Variants in GPATCH2L observed in about 807,000 individuals in gnomAD.
GPATCH2L encodes the protein G-patch domain containing 2 like, also known as G patch domain-containing protein 2-like.
Under a neutral mutation model 57.4 loss-of-function variants are expected in GPATCH2L, and 31 were observed. The ratio of observed to expected loss-of-function variants is 0.54; its 90% CI spans 0.41 to 0.73. The LOEUF is 0.73. Ranked by LOEUF, GPATCH2L falls within the 30% of genes least tolerant of loss-of-function variation. The probability of loss-of-function intolerance (pLI) is 0.00; values close to 1 mark genes in which losing one functional copy is unlikely to be tolerated. For missense variants in GPATCH2L, 481 were observed against 599.9 expected, an observed-to-expected ratio of 0.80 and a Z score of 2.07; for synonymous variants, 199 against 210.7, an observed-to-expected ratio of 0.94 and a Z score of 0.48.
chr14:76,215,916 A>T (rs1387183357), downstream of GPATCH2L, among the ~76,000 whole-genome samples: 1 of 151,920 alleles, frequency 6.6e-6, no homozygotes, highest in Non-Finnish European at 1.5e-5. Context: ...GTATAATTAA[A>T]AAAATAAAAT....
At chr14:76,158,905 A>G (rs1409251733) in intron 2 of GPATCH2L, among the ~76,000 whole-genome samples, 1 of 152,154 alleles carries the variant, frequency 6.6e-6, no homozygotes, top group Non-Finnish European at 1.5e-5. Flanking sequence ...AGAAACATCC[A>G]TCTCGTAAAA....
At chr14:76,221,657 A>G (rs556112783) in intron 1 of GPATCH2L, among the ~76,000 whole-genome samples, 2 of 152,354 alleles carry the variant, frequency 1.3e-5, no homozygotes, top group East Asian at 3.9e-4. Flanking sequence ...CTAAAAAGAA[A>G]TGATCTATCC....
At chr14:76,158,411 T>C (rs913738411) in intron 2 of GPATCH2L, among the ~76,000 whole-genome samples, 2 of 152,222 alleles carry the variant, frequency 1.3e-5, no homozygotes, top group Admixed American at 6.5e-5. Context: ...GGGAGAAAGC[T>C]GAGATCTCTG....
At position 76,203,715 on chromosome 14, in the gene GPATCH2L, G is replaced by A. The variant is rs2040344625; in HGVS notation, c.*1864G>A. On this transcript the variant is annotated 3_prime_UTR_variant, in exon 10 of 10. Transcript: ENST00000261530. ...CCCGTAGAAGTATAGAAAATGTAAT[G>A]TCTGTTGAATATAAAATCGTACCAC... 1 of 152,264 alleles carries A rather than the reference G, an allele frequency of 6.6e-6. No homozygotes were observed. The highest frequency in any genetic ancestry group is 1.5e-5 in the Non-Finnish European group (1 of 68,062). The allele number at this position is 152,264 out of a possible 1,614,324, so 9.4% of individuals were successfully genotyped here.
intron 9 of GPATCH2L, chr14:76,196,337 C>T (rs1257831731): frequency 1.5e-5 from 8 of 524,692 alleles, no homozygotes; most frequent in South Asian, 2.6e-5. Context: ...ATTTTGCATA[C>T]AGTACAGTAC....
intron 7 of GPATCH2L, chr14:76,179,055 G>A (rs1444715314): frequency 1.5e-5 from 1 of 68,018 alleles, no homozygotes; most frequent in East Asian, 4.7e-4. Flanking sequence ...TTTGTTGTGG[G>A]TTTTTTTGTT....
chr14:76,173,781 G>C (rs1594940692), intron 5 of GPATCH2L, 156 bp downstream of exon 5: 1 of 566,918 alleles, frequency 1.8e-6, no homozygotes, highest in Non-Finnish European at 3.2e-6. Context: ...ACATTATGTA[G>C]AATGTGAATG....
In GPATCH2L at chr14:76,175,440, C is replaced by G. The variant is rs184989667; in HGVS notation, c.985-1183C>G. 8 of 147,834 alleles carry G rather than the reference C, an allele frequency of 5.4e-5. No individual in the cohort carries two copies. The East Asian group carries it at 1.6e-3, about 30-fold the overall frequency. 9.2% of individuals were successfully genotyped at this position (147,834 alleles called of 1,614,324 possible). A position where few individuals can be genotyped will look rare whatever the true frequency, so the allele number is the denominator to read the frequency against. On this transcript the variant is annotated intron_variant, in intron 5 of 9. Coordinates refer to ENST00000261530, the MANE Select transcript of GPATCH2L (RefSeq NM_017926.4). Reference sequence around the variant, plus strand: ...AATCATAAATAATGAGTTTCATTCACAGCTCCCTGCCAGTGAGCTGCTAAT... The same window carrying G: ...AATCATAAATAATGAGTTTCATTCAGAGCTCCCTGCCAGTGAGCTGCTAAT...
chr14:76,194,604 G>A (rs541550404), intron 8 of GPATCH2L, among the ~76,000 whole-genome samples: 1 of 152,176 alleles, frequency 6.6e-6, no homozygotes, highest in East Asian at 1.9e-4. Context: ...TTCAACAGCT[G>A]CCTTGTTGCC....
In GPATCH2L at chr14:76,184,788, T is replaced by C. The variant is rs190741836; in HGVS notation, c.1193+3939T>C. Among the ~76,000 whole-genome samples, 28 of 152,274 alleles carry C rather than the reference T, an allele frequency of 1.8e-4. 1 individual carries two copies. The East Asian group carries it at 5.0e-3, about 27-fold the overall frequency. On this transcript the variant is annotated intron_variant, in intron 8 of 9. Coordinates refer to ENST00000261530, the MANE Select transcript of GPATCH2L (RefSeq NM_017926.4). ...TCACCTAAGAAGCTTTAAGAAAATA[T>C]ATCCGTGCTGGGCCCCACTTCCAGA... is the stretch of plus-strand genomic sequence containing the variant.
At chr14:76,216,234 T>C (rs770730999), downstream of GPATCH2L, among the ~76,000 whole-genome samples, 2 of 152,172 alleles carry the variant, frequency 1.3e-5, no homozygotes, top group Non-Finnish European at 2.9e-5. Flanking sequence ...GAGGAAAAGC[T>C]GTTCCTGTCT....
At chr14:76,186,065 T>C (rs1216822896) in intron 8 of GPATCH2L, among the ~76,000 whole-genome samples, 1 of 152,184 alleles carries the variant, frequency 6.6e-6, no homozygotes, top group African/African-American at 2.4e-5. Flanking sequence ...ATATTGAGCA[T>C]CCTGGTAACC....
At chr14:76,195,456 G>T (rs1363863227) in intron 8 of GPATCH2L, among the ~76,000 whole-genome samples, 1 of 152,126 alleles carries the variant, frequency 6.6e-6, no homozygotes, top group Non-Finnish European at 1.5e-5. Context: ...TACATGACAG[G>T]AGGTTGAACT....
intron 2 of GPATCH2L, among the ~76,000 whole-genome samples, chr14:76,156,452 T>C (rs1021013781): frequency 6.6e-6 from 1 of 152,230 alleles, no homozygotes; most frequent in African/African-American, 2.4e-5. Context: ...GCTCATAATT[T>C]GACTTTCCTA....
At chr14:76,214,737 G>A (rs891999241), downstream of GPATCH2L, among the ~76,000 whole-genome samples, 10 of 152,222 alleles carry the variant, frequency 6.6e-5, no homozygotes, top group Admixed American at 2.0e-4. Flanking sequence ...ACCTGTTTTC[G>A]GGGGACACAA....
chr14:76,232,785 T>G (rs2040579238), intron 2 of GPATCH2L, among the ~76,000 whole-genome samples: 1 of 152,160 alleles, frequency 6.6e-6, no homozygotes, highest in Admixed American at 6.5e-5. Context: ...AGCACTGATA[T>G]GTAACAATGC....
rs147586517 is a variant in GPATCH2L, at chr14:76,228,624, C to T, written c.66-1184C>T. ...CTGCTTAGGAAGTCTCAGCACAGCC[C>T]GTAGACTGTTTCGTTGCTATAAATT... On this transcript the variant is annotated intron_variant and NMD_transcript_variant, in intron 1 of 3. Coordinates refer to the GPATCH2L transcript ENST00000556372. 5.3e-3 allele frequency among the ~76,000 whole-genome samples: 803 copies of T among 152,224 alleles called. 6 individuals are homozygous for T. The highest frequency in any genetic ancestry group is 0.018 in the African/African-American group (751 of 41,534).
At chr14:76,189,998 A>C (rs1417246472) in intron 8 of GPATCH2L, among the ~76,000 whole-genome samples, 1 of 152,118 alleles carries the variant, frequency 6.6e-6, no homozygotes, top group African/African-American at 2.4e-5. Context: ...TCGCAGACAG[A>C]CTGTTTTCTC....
intron 1 of GPATCH2L, among the ~76,000 whole-genome samples, chr14:76,226,824 T>C (rs1352789746): frequency 1.3e-5 from 2 of 152,144 alleles, no homozygotes; most frequent in African/African-American, 4.8e-5. Flanking sequence ...AGGTGTTCTG[T>C]TATAGCAGCA....
Sources: gnomAD v4.1 joint callset for allele counts (sites outside exome capture counted in the v4.1 genomes callset) on GRCh38, gnomAD v4.1.1 for gene constraint, MANE v1.5 for transcripts, NCBI Gene and HGNC (gene_info 2026-07-23, HGNC 2026-07-21) for gene names.